Variants in SGCZ observed in about 807,000 individuals in gnomAD.
The protein encoded by SGCZ is zeta-sarcoglycan.
SGCZ carries 40 observed loss-of-function variants against 41.3 expected under a neutral mutation model. The ratio of observed to expected loss-of-function variants is 0.97; its 90% confidence interval spans 0.75 to 1.26. The LOEUF is 1.26. Ranked by LOEUF, SGCZ falls within the 50% of genes most tolerant of loss-of-function variation. SGCZ has a pLI of 0.00. For synonymous variants in SGCZ, 206 were observed against 137.5 expected, an observed-to-expected ratio of 1.50 and a Z score of -3.49; for missense variants, 552 against 369.8, an observed-to-expected ratio of 1.49 and a Z score of -4.04.
intron 1 of SGCZ, among the ~76,000 whole-genome samples, chr8:14,785,412 TA>T (rs1482035723): frequency 1.6e-4 from 25 of 152,260 alleles, no homozygotes; most frequent in African/African-American, 5.3e-4. Flanking sequence ...TATCCATATA[TA>T]TTTTTTTAAT....
intron 1 of SGCZ, among the ~76,000 whole-genome samples, chr8:15,174,206 GA>G (rs1227085182): frequency 2.6e-5 from 4 of 152,158 alleles, no homozygotes; most frequent in Non-Finnish European, 5.9e-5. Context: ...TAGGACTAGC[GA>G]AACTCACCAG....
chr8:14,942,023 T>A (rs1276452265), intron 1 of SGCZ, among the ~76,000 whole-genome samples: 1 of 152,050 alleles, frequency 6.6e-6, no homozygotes. Context: ...GCCCAACAAT[T>A]GGGCTATTTA....
chr8:15,161,541 T>C (rs1366156181), intron 1 of SGCZ, among the ~76,000 whole-genome samples: 2 of 152,176 alleles, frequency 1.3e-5, no homozygotes, highest in Non-Finnish European at 2.9e-5. Context: ...TGGTGTCCAG[T>C]AGGTGCTTAA....
intron 1 of SGCZ, among the ~76,000 whole-genome samples, chr8:14,730,264 T>A (rs1047216529): frequency 6.6e-6 from 1 of 152,274 alleles, no homozygotes; most frequent in Admixed American, 6.5e-5. Flanking sequence ...TATTATTGCT[T>A]ATTCATTTGA....
chr8:14,318,629 G>A (rs1801804656), intron 3 of SGCZ, among the ~76,000 whole-genome samples: 2 of 151,908 alleles, frequency 1.3e-5, no homozygotes, highest in South Asian at 4.1e-4. Flanking sequence ...AGGAGAGAAA[G>A]TGCAGCTAAG....
chr8:14,804,018 G>A (rs1207660276), intron 1 of SGCZ, among the ~76,000 whole-genome samples: 1 of 125,562 alleles, frequency 8.0e-6, no homozygotes, highest in Non-Finnish European at 1.6e-5. Flanking sequence ...ACCTGAGGGT[G>A]CTGTTTGTTA....
chr8:14,995,946 C>T (rs1192750464), intron 1 of SGCZ, among the ~76,000 whole-genome samples: 2 of 151,892 alleles, frequency 1.3e-5, no homozygotes, highest in African/African-American at 4.8e-5. Flanking sequence ...CTCTGTTGTC[C>T]GGGGTGGAGT....
intron 2 of SGCZ, among the ~76,000 whole-genome samples, chr8:14,434,262 A>C (rs1800025194): frequency 1.3e-5 from 2 of 152,162 alleles, no homozygotes; most frequent in African/African-American, 4.8e-5. Context: ...GCTTTGTCAA[A>C]GATCAGTTGG....
chr8:14,856,572 C>T (rs1201562011), intron 1 of SGCZ, among the ~76,000 whole-genome samples: 1 of 152,110 alleles, frequency 6.6e-6, no homozygotes. Flanking sequence ...GAATGCAAAT[C>T]AATAGAGTAT....
At chr8:14,530,615 T>C (rs1372154186) in intron 2 of SGCZ, among the ~76,000 whole-genome samples, 1 of 152,114 alleles carries the variant, frequency 6.6e-6, no homozygotes, top group African/African-American at 2.4e-5. Context: ...CTACTGAATA[T>C]TTTAAAAGTA....
intron 2 of SGCZ, among the ~76,000 whole-genome samples, chr8:14,533,646 C>T (rs750928466): frequency 2.0e-5 from 3 of 151,918 alleles, no homozygotes; most frequent in African/African-American, 7.2e-5. Context: ...CAGCCAGGCT[C>T]TTTTCTGGTA....
At chr8:14,771,223 A>G (rs1478118480) in intron 1 of SGCZ, among the ~76,000 whole-genome samples, 1 of 152,134 alleles carries the variant, frequency 6.6e-6, no homozygotes, top group Non-Finnish European at 1.5e-5. Context: ...GATAGTGATC[A>G]CCAAAATTAA....
chr8:14,164,763 T>G, intron 4 of SGCZ, 61 bp from the exon 5 acceptor site: 1 of 1,580,436 alleles, frequency 6.3e-7, no homozygotes, highest in Non-Finnish European at 8.6e-7. Context: ...TAACATGTAT[T>G]TTTTGGAAAT....
intron 1 of SGCZ, among the ~76,000 whole-genome samples, chr8:14,631,793 T>C (rs1806664268): frequency 6.6e-6 from 1 of 152,102 alleles, no homozygotes; most frequent in Non-Finnish European, 1.5e-5. Context: ...GATTTCCACA[T>C]GTCTCTACCA....
chr8:14,156,245 G>A (rs1294130826), intron 5 of SGCZ, among the ~76,000 whole-genome samples: 1 of 152,102 alleles, frequency 6.6e-6, no homozygotes, highest in African/African-American at 2.4e-5. Flanking sequence ...CGATCACTAG[G>A]TCAGGAGATG....
intron 2 of SGCZ, among the ~76,000 whole-genome samples, chr8:14,383,291 C>T (rs1037927958): frequency 5.3e-5 from 8 of 152,210 alleles, no homozygotes; most frequent in African/African-American, 1.4e-4. Flanking sequence ...TGATAAGAGA[C>T]ATTTTGCTAA....
chr8:14,481,919 A>T (rs948343727), intron 2 of SGCZ, among the ~76,000 whole-genome samples: 3 of 152,108 alleles, frequency 2.0e-5, no homozygotes, highest in Admixed American at 2.0e-4. Context: ...TGAGAAGAGA[A>T]ACAAACAACG....
intron 4 of SGCZ, among the ~76,000 whole-genome samples, chr8:14,181,678 G>A (rs1393477806): frequency 6.6e-6 from 1 of 152,148 alleles, no homozygotes; most frequent in Non-Finnish European, 1.5e-5. Context: ...TTATAAACGG[G>A]AGTTCCTCTG....
rs772771819 is a variant in SGCZ, at chr8:14,379,739, T to C, written c.235-55535A>G. 5.3e-5 allele frequency among the ~76,000 whole-genome samples: 8 copies of C among 152,016 alleles called. No homozygotes were observed. In the East Asian group the frequency reaches 9.7e-4, roughly 18 times the overall value. On this transcript the variant is annotated intron_variant, in intron 2 of 7. Coordinates refer to ENST00000382080, the MANE Select transcript of SGCZ (RefSeq NM_139167.4). The stretch of plus-strand genomic sequence containing the variant: ...TATATTGAAATTATATATATATACA[T>C]ATATATTTTGGAGAAAGAGTCTTAC...
Sources: allele counts gnomAD v4.1 joint callset (sites outside exome capture counted in the v4.1 genomes callset), GRCh38; gene constraint gnomAD v4.1.1; transcripts MANE v1.5; gene names NCBI Gene and HGNC (gene_info 2026-07-23, HGNC 2026-07-21).